Variants in AKAIN1 observed in about 807,000 individuals in gnomAD.
The protein encoded by AKAIN1 is A-kinase anchor protein inhibitor 1.
A neutral mutation model predicts 3.7 loss-of-function variants in AKAIN1; 3 were observed. That is an observed-to-expected ratio of 0.82 (90% CI 0.37 to 2.12). The LOEUF is 2.12. Among genes scored for constraint, AKAIN1 ranks in the 30% most tolerant of loss-of-function variants. AKAIN1 has a pLI of 0.06. For synonymous variants in AKAIN1, 31 were observed against 30.8 expected, an observed-to-expected ratio of 1.01 and a Z score of -0.02; for missense variants, 82 against 82.7, an observed-to-expected ratio of 0.99 and a Z score of 0.03.
intron 1 of AKAIN1, among the ~76,000 whole-genome samples, chr18:5,192,198 A>G (rs1368606202): frequency 6.6e-6 from 1 of 152,134 alleles, no homozygotes; most frequent in Non-Finnish European, 1.5e-5. Flanking sequence ...CAACAGACTA[A>G]AGGTTTAAAA....
At chr18:5,175,672 A>C (rs1598312283) in intron 1 of AKAIN1, among the ~76,000 whole-genome samples, 1 of 152,314 alleles carries the variant, frequency 6.6e-6, no homozygotes, top group African/African-American at 2.4e-5. Context: ...TCTGGTAAGA[A>C]ATACATAACC....
intron 1 of AKAIN1, among the ~76,000 whole-genome samples, chr18:5,179,460 C>T (rs561679535): frequency 6.5e-4 from 99 of 151,752 alleles, no homozygotes; most frequent in African/African-American, 2.3e-3. Context: ...TTTCTTTATA[C>T]AATCATCTGT....
chr18:5,197,191 G>A lies in AKAIN1; in HGVS notation c.-138C>T. Reference sequence around the variant, plus strand: ...GGCGGGCGGGGCGGTCAGCACCCCGGACAGCTCCCGCCGCTAGATCCTGGG... The same window carrying A: ...GGCGGGCGGGGCGGTCAGCACCCCGAACAGCTCCCGCCGCTAGATCCTGGG... On this transcript the variant is annotated 5_prime_UTR_variant, in exon 1 of 2. Transcript: ENST00000434239. The surrounding 1 kb of genome is among the most constrained non-coding windows in gnomAD (Gnocchi z 6.9). 1 of 1,455,188 alleles carries A rather than the reference G, an allele frequency of 6.9e-7. No homozygotes were observed. Among genetic ancestry groups the A allele is most frequent in the Non-Finnish European group, 9.0e-7 (1 of 1,108,848 alleles). 90.1% of individuals were successfully genotyped at this position (1,455,188 alleles called of 1,614,324 possible). A position where few individuals can be genotyped will look rare whatever the true frequency, so the allele number is the denominator to read the frequency against.
rs763453875 is a variant in AKAIN1 at position 5,145,795 on chromosome 18, T to A, written c.17-40A>T. ...GAAAAGGAGGGGAAAAGGAGAGAAA[T>A]TAATTTCAGGAATGTGAGAGGGAAA... On this transcript the variant is annotated intron_variant, in intron 1 of 1. Coordinates refer to ENST00000434239, the MANE Select transcript of AKAIN1 (RefSeq NM_001145194.2). 3 of 1,507,620 alleles carry A rather than the reference T, an allele frequency of 2.0e-6. No individual in the cohort carries two copies. In the South Asian group the frequency reaches 3.6e-5, roughly 18 times the overall value. 93.4% of individuals were successfully genotyped at this position (1,507,620 alleles called of 1,614,324 possible). A position where few individuals can be genotyped will look rare whatever the true frequency, so the allele number is the denominator to read the frequency against.
chr18:5,169,289 T>C (rs1482127081), intron 1 of AKAIN1, among the ~76,000 whole-genome samples: 3 of 152,138 alleles, frequency 2.0e-5, no homozygotes, highest in Admixed American at 2.0e-4. Flanking sequence ...ATGTTAATTA[T>C]ATCTTTAAAA....
In AKAIN1 at chr18:5,178,590, C is replaced by T. The variant is rs116908544; in HGVS notation, c.16+18448G>A. ...ATGATCATTTGTTCATTCATTTATA[C>T]GACATGTACAGAGCACTTGTATGTG... is the stretch of plus-strand genomic sequence containing the variant. On this transcript the variant is annotated intron_variant, in intron 1 of 1. Transcript: ENST00000434239. Among the ~76,000 whole-genome samples, 9 of 152,180 alleles carry T rather than the reference C, an allele frequency of 5.9e-5. No homozygotes were observed. The East Asian group carries it at 7.7e-4, about 13-fold the overall frequency.
intron 1 of AKAIN1, among the ~76,000 whole-genome samples, chr18:5,189,958 C>T (rs1185209574): frequency 6.6e-6 from 1 of 152,106 alleles, no homozygotes; most frequent in African/African-American, 2.4e-5. Context: ...TTTGGTGTTG[C>T]CATACCAAAA....
intron 1 of AKAIN1, among the ~76,000 whole-genome samples, chr18:5,151,782 G>A (rs2071081425): frequency 6.6e-6 from 1 of 152,188 alleles, no homozygotes; most frequent in African/African-American, 2.4e-5. Flanking sequence ...AAGATGACAT[G>A]AATCAGAAAG....
intron 1 of AKAIN1, among the ~76,000 whole-genome samples, chr18:5,177,303 AG>A (rs1431224059): frequency 6.6e-6 from 1 of 152,150 alleles, no homozygotes; most frequent in African/African-American, 2.4e-5. Flanking sequence ...TTCTATAATT[AG>A]GTAAACTGAG....
intron 1 of AKAIN1, among the ~76,000 whole-genome samples, chr18:5,158,724 G>A (rs184824127): frequency 6.6e-6 from 1 of 152,112 alleles, no homozygotes; most frequent in Non-Finnish European, 1.5e-5. Flanking sequence ...CCTGAACCCT[G>A]CACACATGGG....
chr18:5,188,261 T>A (rs2071298632), intron 1 of AKAIN1, among the ~76,000 whole-genome samples: 2 of 152,056 alleles, frequency 1.3e-5, no homozygotes, highest in African/African-American at 4.8e-5. Flanking sequence ...TGGCATTTTA[T>A]GCTGGTAACC....
At chr18:5,153,609 T>C (rs1393051225) in intron 1 of AKAIN1, among the ~76,000 whole-genome samples, 1 of 152,164 alleles carries the variant, frequency 6.6e-6, no homozygotes. Context: ...AGTGACTACT[T>C]CATACTGCAC....
intron 1 of AKAIN1, among the ~76,000 whole-genome samples, chr18:5,170,350 C>T (rs1045107396): frequency 6.8e-4 from 104 of 152,094 alleles, no homozygotes; most frequent in African/African-American, 2.2e-3. Flanking sequence ...TCTATGTTTC[C>T]ATTTTCCATA....
At chr18:5,148,317 C>A (rs538289448) in intron 1 of AKAIN1, among the ~76,000 whole-genome samples, 1 of 152,312 alleles carries the variant, frequency 6.6e-6, no homozygotes, top group African/African-American at 2.4e-5. Context: ...ACTGCTCTGA[C>A]CTTTATTATA....
chr18:5,171,630 T>C (rs1289317694), intron 1 of AKAIN1, among the ~76,000 whole-genome samples: 3 of 152,052 alleles, frequency 2.0e-5, no homozygotes, highest in African/African-American at 7.2e-5. Flanking sequence ...AAATCAAAAC[T>C]ACAATGAAAT....
chr18:5,177,868 G>A (rs941482698), intron 1 of AKAIN1, among the ~76,000 whole-genome samples: 3 of 152,100 alleles, frequency 2.0e-5, no homozygotes, highest in Non-Finnish European at 2.9e-5. Context: ...CTGGATGATT[G>A]TCTGAAGGAA....
chr18:5,152,540 T>C (rs1423337521), intron 1 of AKAIN1, among the ~76,000 whole-genome samples: 1 of 152,092 alleles, frequency 6.6e-6, no homozygotes, highest in Non-Finnish European at 1.5e-5. Context: ...AAACCTGTTT[T>C]CCTCTGTTGC....
rs977363812 is a variant in AKAIN1 at position 5,145,590 on chromosome 18, T to A, written c.182A>T (p.Glu61Val). Residue 61 changes from glutamate to valine, a missense_variant, in exon 2 of 2, where the codon GAG (glutamate) becomes GTG (valine). Transcript: ENST00000434239. ...NRDHIQLGVG[E>V]LTKKHEKK ...CTTCTTTTCGTGCTTCTTGGTTAACTCCCCAACGCCCAGTTGGATGTGGTC... is the reference window on the plus strand; with the variant it reads ...CTTCTTTTCGTGCTTCTTGGTTAACACCCCAACGCCCAGTTGGATGTGGTC... 76 of 1,551,438 alleles carry A rather than the reference T, an allele frequency of 4.9e-5. No individual in the cohort carries two copies. The highest frequency in any genetic ancestry group is 7.8e-5 in the Admixed American group (4 of 50,978).
intron 1 of AKAIN1, among the ~76,000 whole-genome samples, chr18:5,154,856 C>CCTGG (rs1362077476): frequency 6.6e-6 from 1 of 152,212 alleles, no homozygotes; most frequent in Non-Finnish European, 1.5e-5. Flanking sequence ...GCGGCGCTAG[C>CCTGG]CTGGCTCACT....
Sources: allele counts gnomAD v4.1 joint callset (sites outside exome capture counted in the v4.1 genomes callset), GRCh38; gene constraint gnomAD v4.1.1; non-coding constraint Gnocchi (gnomAD v3.1); transcripts MANE v1.5; gene names NCBI Gene and HGNC (gene_info 2026-07-23, HGNC 2026-07-21).